Variants in POLN observed in about 807,000 individuals in gnomAD.
POLN encodes DNA polymerase N.
Under a neutral mutation model 113.5 loss-of-function variants are expected in POLN, and 108 were observed. The observed-to-expected ratio is 0.95, with a 90% CI of 0.81 to 1.12. The LOEUF (loss-of-function observed/expected upper bound fraction) is 1.12. Ranked by LOEUF, POLN falls within the 50% of genes most tolerant of loss-of-function variation. The probability of loss-of-function intolerance (pLI) is 0.00; values close to 1 mark genes in which losing one functional copy is unlikely to be tolerated. For missense variants in POLN, 1,097 were observed against 1,077.1 expected (o/e 1.02, Z -0.26); for synonymous variants, 386 against 391.5 (o/e 0.99, Z 0.17).
At chr4:2,204,034 G>A (rs543746664) in intron 5 of POLN, among the ~76,000 whole-genome samples, 11 of 147,774 alleles carry the variant, frequency 7.4e-5, no homozygotes, top group East Asian at 4.0e-4. Context: ...ACTTGAACCC[G>A]GGAGGCGGAG....
At chr4:2,174,774 A>G in intron 9 of POLN, 23 bp from the exon 10 acceptor site, 1 of 1,512,788 alleles carries the variant, frequency 6.6e-7, no homozygotes, top group South Asian at 1.2e-5. Context: ...AAGAAATAAC[A>G]TCAACGTCAA....
At chr4:2,237,097 T>G (rs1390154880) in intron 2 of POLN, among the ~76,000 whole-genome samples, 2 of 151,984 alleles carry the variant, frequency 1.3e-5, no homozygotes, top group Admixed American at 6.6e-5. Context: ...TACTTCAAAG[T>G]GCACTTCAGA....
At chr4:2,179,278 G>T in intron 8 of POLN, 30 bp downstream of exon 8, 2 of 1,586,590 alleles carry the variant, frequency 1.3e-6, no homozygotes, top group Middle Eastern at 1.7e-4. Flanking sequence ...ATGTATTAAG[G>T]TTGATAAAAC....
intron 2 of POLN, among the ~76,000 whole-genome samples, chr4:2,239,346 A>C (rs896803316): frequency 3.3e-5 from 5 of 152,300 alleles, no homozygotes; most frequent in East Asian, 1.9e-4. Flanking sequence ...CACTGAATCC[A>C]AGTATATGTT....
At chr4:2,172,125 G>C (rs1307475448) in intron 11 of POLN, among the ~76,000 whole-genome samples, 1 of 152,162 alleles carries the variant, frequency 6.6e-6, no homozygotes, top group Non-Finnish European at 1.5e-5. Context: ...TCCCACTAAT[G>C]TGAAATGTGA....
chr4:2,221,379 G>A (rs1734249482), intron 3 of POLN, among the ~76,000 whole-genome samples: 3 of 152,172 alleles, frequency 2.0e-5, no homozygotes, highest in South Asian at 4.1e-4. Context: ...AAAAGTCAAG[G>A]TGGGAACTGC....
At chr4:2,111,407 A>G (rs1441386932) in intron 19 of POLN, among the ~76,000 whole-genome samples, 1 of 152,180 alleles carries the variant, frequency 6.6e-6, no homozygotes, top group Non-Finnish European at 1.5e-5. Context: ...AGGCAGGAGA[A>G]GGAAATAAAG....
rs374543186 is a variant in POLN, at chr4:2,179,431, A to C, written c.1056T>G (p.Ala352=). ...CATCACTAGGATCTATAAGCCATGCAGCAATTCTGGGATCTAGCCCTATAA... is the reference window on the plus strand; with the variant it reads ...CATCACTAGGATCTATAAGCCATGCCGCAATTCTGGGATCTAGCCCTATAA... The part of the protein sequence containing the change: ...ADFIGLDPRI[A]AWLIDPSDAT... The change falls in exon 8 of 26, where the codon GCT becomes GCG. Residue 352 remains alanine, a synonymous_variant. Transcript: ENST00000511885. 1.4e-5 allele frequency: 22 copies of C among 1,613,960 alleles called. No homozygotes were observed. The highest frequency in any genetic ancestry group is 1.6e-5 in the Non-Finnish European group (19 of 1,179,954).
intron 4 of POLN, among the ~76,000 whole-genome samples, chr4:2,209,247 T>G (rs1733930299): frequency 6.6e-6 from 1 of 152,052 alleles, no homozygotes; most frequent in Non-Finnish European, 1.5e-5. Context: ...TTTGGGAGGC[T>G]GAGGCTGGCG....
chr4:2,136,928 G>T (rs575066003), intron 16 of POLN, among the ~76,000 whole-genome samples: 1 of 152,376 alleles, frequency 6.6e-6, no homozygotes, highest in African/African-American at 2.4e-5. Context: ...AGGGCATGCT[G>T]GCTCTCCTTG....
At chr4:2,238,661 A>G in intron 2 of POLN, 1 of 1,613,072 alleles carries the variant, frequency 6.2e-7, no homozygotes, top group African/African-American at 1.3e-5. Flanking sequence ...CTGTTGAGAA[A>G]CTGATGGATC....
chr4:2,216,265 G>C (rs371204617), intron 3 of POLN, among the ~76,000 whole-genome samples: 46 of 152,358 alleles, frequency 3.0e-4, no homozygotes, highest in Middle Eastern at 3.4e-3. Flanking sequence ...TTTTCCCTTT[G>C]AGAGTCAAGA....
chr4:2,238,692 T>G, intron 2 of POLN: 4 of 1,612,986 alleles, frequency 2.5e-6, no homozygotes, highest in Non-Finnish European at 3.4e-6. Context: ...TCTAATTGCT[T>G]GTAGAGCATC....
chr4:2,106,753 T>A (rs1731075763), intron 19 of POLN, among the ~76,000 whole-genome samples: 1 of 152,202 alleles, frequency 6.6e-6, no homozygotes, highest in African/African-American at 2.4e-5. Flanking sequence ...ATTGATCTAT[T>A]CTGGTTTTTA....
Position 2,193,055 on chromosome 4 carries a change from A to G in POLN, c.1021+149T>C, listed in dbSNP as rs1184187861. On this transcript the variant is annotated intron_variant, in intron 7 of 25. Transcript: ENST00000511885. ...AAACATGGAGGAAAACTTCCTCCCCATGCCTAGGGCCCATCAGGAGGCATA... is the reference window on the plus strand; with the variant it reads ...AAACATGGAGGAAAACTTCCTCCCCGTGCCTAGGGCCCATCAGGAGGCATA... 5.3e-6 allele frequency: 3 copies of G among 564,378 alleles called. No individual in the cohort carries two copies. In the South Asian group the frequency reaches 8.1e-5, roughly 15 times the overall value. The allele number at this position is 564,378 out of a possible 1,614,324, so 35.0% of individuals were successfully genotyped here.
rs145376919 is a variant in POLN, at chr4:2,149,934, T to G, written c.1731+6854A>C. Among the ~76,000 whole-genome samples the G allele has an allele frequency of 2.4e-3, 362 of 151,928 alleles. 1 individual carries two copies. Among genetic ancestry groups the G allele is most frequent in the African/African-American group, 8.3e-3 (344 of 41,414 alleles). ...CCGTCTCTACTAAAAATACCAAAAA[T>G]TAGCTGGGTGTGGTGGTGGGCTCCT... On this transcript the variant is annotated intron_variant, in intron 16 of 25. Transcript: ENST00000511885.
At chr4:2,209,316 C>CG (rs1386650833) in intron 4 of POLN, among the ~76,000 whole-genome samples, 2 of 151,692 alleles carry the variant, frequency 1.3e-5, no homozygotes, top group African/African-American at 4.8e-5. Flanking sequence ...CTCGTCTCTA[C>CG]TAAGAATACA....
intron 7 of POLN, among the ~76,000 whole-genome samples, chr4:2,184,895 A>T (rs1052071407): frequency 1.6e-4 from 25 of 152,262 alleles, no homozygotes; most frequent in Admixed American, 1.6e-3. Flanking sequence ...AAAATGAAAA[A>T]GGCTTTTTTT....
intron 2 of POLN, chr4:2,240,412 A>G (rs1483199484): frequency 6.2e-7 from 1 of 1,613,050 alleles, no homozygotes; most frequent in Admixed American, 1.7e-5. Flanking sequence ...TGTCTGAAGA[A>G]CATCATCAAT....
Sources: allele counts gnomAD v4.1 joint callset (sites outside exome capture counted in the v4.1 genomes callset), GRCh38; gene constraint gnomAD v4.1.1; transcripts MANE v1.5; gene names NCBI Gene and HGNC (gene_info 2026-07-23, HGNC 2026-07-21).